The following OSGIN2 variants were observed in gnomAD, a reference collection of about 807,000 sequenced individuals.
OSGIN2 encodes oxidative stress induced growth inhibitor family member 2.
OSGIN2 carries 19 observed loss-of-function variants against 53.8 expected under a neutral mutation model. That is an observed-to-expected ratio of 0.35 (90% CI 0.25 to 0.52). OSGIN2 has a LOEUF of 0.52. Ranked by LOEUF, OSGIN2 falls within the 20% of genes least tolerant of loss-of-function variation. OSGIN2 has a pLI of 0.95. For missense variants in OSGIN2, 520 were observed against 662.7 expected (o/e 0.78, Z 2.36); for synonymous variants, 236 against 236.0 (o/e 1.00, Z 0.00).
chr8:89,914,795 G>T, intron 4 of OSGIN2, 49 bp downstream of exon 4: 1 of 1,302,152 alleles, frequency 7.7e-7, no homozygotes, highest in South Asian at 1.2e-5. Context: ...TATTTGTCTT[G>T]ATAAGACCAA....
In OSGIN2 at chr8:89,925,457, T is replaced by TA; in HGVS notation, c.1576dup (p.Thr526AsnfsTer16). On this transcript the variant is annotated frameshift_variant, in exon 6 of 6. Transcript: ENST00000451899. LOFTEE classifies it high-confidence loss of function. ...TTTTAAAGGGAGGGGCGCTGGGTGT[T>TA]ACACGCTGTTTAGCTACAAGACAGA... The TA allele has an allele frequency of 6.2e-7, 1 of 1,614,184 alleles. No individual in the cohort carries two copies. Among genetic ancestry groups the TA allele is most frequent in the Non-Finnish European group, 8.5e-7 (1 of 1,180,004 alleles).
At chr8:89,923,631 G>GC (rs1321329980) in intron 5 of OSGIN2, among the ~76,000 whole-genome samples, 3 of 152,158 alleles carry the variant, frequency 2.0e-5, no homozygotes, top group African/African-American at 7.2e-5. Flanking sequence ...CCAACTGTAG[G>GC]CTAGTGTAAG....
At position 89,924,279 on chromosome 8, in the gene OSGIN2, AAT is replaced by A. The variant is rs573653453; in HGVS notation, c.621-220_621-219del. On this transcript the variant is annotated intron_variant, in intron 5 of 5. Coordinates refer to ENST00000451899, the MANE Select transcript of OSGIN2 (RefSeq NM_001126111.3). ...GCACTGGGGAAACAGAAGTGCATTAAATATAGTCTCTGCTCTCATGGGACTTC... is the reference window on the plus strand; with the variant it reads ...GCACTGGGGAAACAGAAGTGCATTAAATAGTCTCTGCTCTCATGGGACTTC... 2.3e-3 allele frequency among the ~76,000 whole-genome samples: 344 copies of A among 152,330 alleles called. 2 individuals are homozygous for A. The highest frequency in any genetic ancestry group is 8.9e-3 in the South Asian group (43 of 4,834).
chr8:89,922,680 T>A (rs1464680697), intron 5 of OSGIN2, among the ~76,000 whole-genome samples: 1 of 152,218 alleles, frequency 6.6e-6, no homozygotes, highest in African/African-American at 2.4e-5. Context: ...AAACTAGTTG[T>A]CAATTTTCCA....
At chr8:89,924,357 G>GT (rs34703419) in intron 5 of OSGIN2, 146 bp from the exon 6 acceptor site, 7,407 of 493,890 alleles carry the variant, frequency 0.015, 1 homozygote, top group South Asian at 0.021. Flanking sequence ...ACTAAAAATA[G>GT]TTTTTTTTTT....
At chr8:89,908,240 T>C (rs1808879331) in intron 1 of OSGIN2, among the ~76,000 whole-genome samples, 6 of 152,320 alleles carry the variant, frequency 3.9e-5, no homozygotes, top group Admixed American at 1.3e-4. Flanking sequence ...AAGGGTAGGC[T>C]TGCACTGTGA....
At chr8:89,901,889 C>T (rs935659826), upstream of OSGIN2, 1 of 152,320 alleles carries the variant, frequency 6.6e-6, no homozygotes, top group Non-Finnish European at 1.5e-5. Flanking sequence ...TGATGAGCAC[C>T]TGGATTTTCA....
At chr8:89,921,289 T>TA in intron 5 of OSGIN2, 118 bp downstream of exon 5, 1 of 616,452 alleles carries the variant, frequency 1.6e-6, no homozygotes, top group Non-Finnish European at 2.9e-6. Context: ...GTCTTTCAAA[T>TA]AAAAATGTGT....
At chr8:89,913,150 T>G (rs1809005770) in intron 2 of OSGIN2, among the ~76,000 whole-genome samples, 2 of 152,254 alleles carry the variant, frequency 1.3e-5, no homozygotes, top group South Asian at 4.1e-4. Flanking sequence ...ATAGAAACTC[T>G]GCCTACATCT....
At position 89,927,292 on chromosome 8, in the gene OSGIN2, G is replaced by GT. The variant is rs1313401197; in HGVS notation, c.*1762dup. On this transcript the variant is annotated 3_prime_UTR_variant, in exon 6 of 6. Coordinates refer to ENST00000451899, the MANE Select transcript of OSGIN2 (RefSeq NM_001126111.3). ...GGCTTTTTTTGTGATGAGAGTATTT[G>GT]TTAAAAAAAAAAAAAGACTTCAAGA... The GT allele has an allele frequency of 2.8e-5, 3 of 107,370 alleles. No individual in the cohort carries two copies. Among genetic ancestry groups the GT allele is most frequent in the South Asian group, 3.0e-4 (1 of 3,332 alleles). 6.7% of individuals were successfully genotyped at this position (107,370 alleles called of 1,614,324 possible). A position where few individuals can be genotyped will look rare whatever the true frequency, so the allele number is the denominator to read the frequency against.
At chr8:89,914,381 G>A (rs1809034822) in intron 3 of OSGIN2, among the ~76,000 whole-genome samples, 168 bp downstream of exon 3, 1 of 152,090 alleles carries the variant, frequency 6.6e-6, no homozygotes, top group Non-Finnish European at 1.5e-5. Context: ...TTATTTTCTT[G>A]AATTTATTAG....
Position 89,914,550 on chromosome 8 carries a change from T to C in OSGIN2, c.337-5T>C, listed in dbSNP as rs200584084. The C allele has an allele frequency of 7.6e-5, 123 of 1,611,846 alleles. 1 individual carries two copies. The East Asian group carries it at 2.7e-3, about 36-fold the overall frequency. On this transcript the variant is annotated splice_region_variant and splice_polypyrimidine_tract_variant and intron_variant, in intron 3 of 5. Transcript: ENST00000451899. ...TCAAACTCTGTCTCCCTTTTGTTCATTCAGGACTTAGAATACTTGTCTGAG... is the reference window on the plus strand; with the variant it reads ...TCAAACTCTGTCTCCCTTTTGTTCACTCAGGACTTAGAATACTTGTCTGAG...
intron 5 of OSGIN2, among the ~76,000 whole-genome samples, chr8:89,921,545 ACT>A (rs1809204812): frequency 6.6e-6 from 1 of 152,144 alleles, no homozygotes. Flanking sequence ...GAATACCTAA[ACT>A]CTGCATACCT....
chr8:89,905,080 T>C (rs1808807024), intron 1 of OSGIN2, among the ~76,000 whole-genome samples: 1 of 152,270 alleles, frequency 6.6e-6, no homozygotes, highest in Non-Finnish European at 1.5e-5. Context: ...CATTTCATTT[T>C]AGTTTGAATG....
Position 89,914,129 on chromosome 8 carries a change from G to A in OSGIN2, c.252G>A (p.Pro84=), listed in dbSNP as rs146570031. 3.8e-4 allele frequency: 615 copies of A among 1,604,786 alleles called. 5 individuals carry two copies. In the South Asian group the frequency reaches 4.2e-3, roughly 11 times the overall value. ...CTTATATGTTATCAGGCTACAGACCGTATTTATCATCAGAAGCAATACACC... is the reference window on the plus strand; with the variant it reads ...CTTATATGTTATCAGGCTACAGACCATATTTATCATCAGAAGCAATACACC... ...CLSYMLSGYR[P]YLSSEAIHPN... Residue 84 remains proline (P), a synonymous_variant, in exon 3 of 6, where the codon CCG becomes CCA. Transcript: ENST00000451899.
intron 4 of OSGIN2, 109 bp from the exon 5 acceptor site, chr8:89,920,971 A>G (rs2130710770): frequency 3.0e-6 from 2 of 663,818 alleles, no homozygotes; most frequent in Non-Finnish European, 5.2e-6. Context: ...CACCTTGTCC[A>G]GAGTCATAAT....
At position 89,925,203 on chromosome 8, in the gene OSGIN2, G is replaced by A. The variant is rs768329977; in HGVS notation, c.1321G>A (p.Val441Ile). 3.7e-6 allele frequency: 6 copies of A among 1,614,032 alleles called. No homozygotes were observed. Among genetic ancestry groups the A allele is most frequent in the African/African-American group, 1.3e-5 (1 of 75,052 alleles). ...GGACATGAAATGTGTTCTCCAAAGC[G>A]TTTCTGGATTGAAGAAAATATTTAA... Reference protein sequence around the residue: ...KSDMKCVLQSVSGLKKIFKLS... With the variant: ...KSDMKCVLQSISGLKKIFKLS... Residue 441 changes from valine (V) to isoleucine (I), a missense_variant, in exon 6 of 6, where the codon GTT (valine) becomes ATT (isoleucine). By Grantham distance (29) the Val-to-Ile change is conservative. Around this residue, in one of 3 missense-constraint regions of OSGIN2, gnomAD observed 239 missense variants for 328.3 expected, o/e 0.73. Coordinates refer to ENST00000451899, the MANE Select transcript of OSGIN2 (RefSeq NM_001126111.3).
At chr8:89,923,519 A>G (rs1425251883) in intron 5 of OSGIN2, among the ~76,000 whole-genome samples, 3 of 152,214 alleles carry the variant, frequency 2.0e-5, no homozygotes, top group Non-Finnish European at 4.4e-5. Flanking sequence ...TTTGGGTACC[A>G]ATGCAACTGT....
chr8:89,927,595 T>TATCCCTCG lies in OSGIN2; in HGVS notation c.*2066_*2073dup, dbSNP rs939909133. The TATCCCTCG allele has an allele frequency of 6.6e-6, 1 of 152,234 alleles. No individual in the cohort carries two copies. The highest frequency in any genetic ancestry group is 2.4e-5 in the African/African-American group (1 of 41,466). The allele number at this position is 152,234 out of a possible 1,614,324, so 9.4% of individuals were successfully genotyped here. On this transcript the variant is annotated 3_prime_UTR_variant, in exon 6 of 6. Coordinates refer to ENST00000451899, the MANE Select transcript of OSGIN2 (RefSeq NM_001126111.3). ...TAGCATGATGTGAGCATCTCCTCCT[T>TATCCCTCG]ATCCCTCGATGCCTGGCTTGGTGTC...
Sources: gnomAD v4.1 joint callset for allele counts (sites outside exome capture counted in the v4.1 genomes callset) on GRCh38, gnomAD v4.1.1 for gene constraint, gnomAD v4.1.1 regional missense constraint, MANE v1.5 for transcripts, NCBI Gene and HGNC (gene_info 2026-07-23, HGNC 2026-07-21) for gene names.